TMEM222: variants seen among roughly 807,000 people sequenced by gnomAD.
TMEM222 encodes transmembrane protein 222, also known as chromosome 1 open reading frame 160.
A neutral mutation model predicts 25.1 loss-of-function variants in TMEM222; 18 were observed. That is an observed-to-expected ratio of 0.72 (90% CI 0.50 to 1.06). The LOEUF (loss-of-function observed/expected upper bound fraction) is 1.06. TMEM222 is among the 50% of genes least tolerant of loss of function. The pLI is 0.00. For synonymous variants in TMEM222, 131 were observed against 117.9 expected, an observed-to-expected ratio of 1.11 and a Z score of -0.72; for missense variants, 296 against 293.7, an observed-to-expected ratio of 1.01 and a Z score of -0.06.
intron 3 of TMEM222, chr1:27,333,161 C>T (rs1054753127): frequency 2.7e-6 from 1 of 373,190 alleles, no homozygotes; most frequent in African/African-American, 2.1e-5. Flanking sequence ...GTGGCCTCAC[C>T]TGCATCTCCA....
intron 1 of TMEM222, among the ~76,000 whole-genome samples, chr1:27,326,902 T>C (rs1344888512): frequency 2.0e-5 from 3 of 152,002 alleles, no homozygotes; most frequent in Non-Finnish European, 4.4e-5. Flanking sequence ...GGGTTTCTTC[T>C]CTGGGGCTTC....
At position 27,332,057 on chromosome 1, in the gene TMEM222, TG is replaced by T; in HGVS notation, c.280-12del. 1 of 1,614,274 alleles carries T rather than the reference TG, an allele frequency of 6.2e-7. No individual in the cohort carries two copies. Among genetic ancestry groups the T allele is most frequent in the Non-Finnish European group, 8.5e-7 (1 of 1,180,036 alleles). On this transcript the variant is annotated splice_polypyrimidine_tract_variant and intron_variant, in intron 2 of 5. Transcript: ENST00000374076. Reference sequence around the variant, plus strand: ...TAAGTTCCTCACTGACCTCTGCTTTTGTCCCTCAACAGGAGGACAACATGGC... The same window carrying T: ...TAAGTTCCTCACTGACCTCTGCTTTTTCCCTCAACAGGAGGACAACATGGC...
rs1008826812 is a variant in TMEM222, at chr1:27,333,882, A to G, written c.312-76A>G. On this transcript the variant is annotated intron_variant, in intron 3 of 5. Coordinates refer to ENST00000374076, the MANE Select transcript of TMEM222 (RefSeq NM_032125.3). ...CCCAGCTCAGGCCCGGGCACAGGGC[A>G]GGCCTCAGAGGACGTGCGTAGAGCT... 37 of 1,339,378 alleles carry G rather than the reference A, an allele frequency of 2.8e-5. No individual in the cohort carries two copies. In the African/African-American group the frequency reaches 5.2e-4, roughly 19 times the overall value. 83.0% of individuals were successfully genotyped at this position (1,339,378 alleles called of 1,614,324 possible). A position where few individuals can be genotyped will look rare whatever the true frequency, so the allele number is the denominator to read the frequency against.
At position 27,334,084 on chromosome 1, in the gene TMEM222, C is replaced by A. The variant is rs369213485; in HGVS notation, c.408+30C>A. 759 of 1,613,992 alleles carry A rather than the reference C, an allele frequency of 4.7e-4. 3 individuals are homozygous for A. In the Middle Eastern group the frequency reaches 7.3e-3, roughly 15 times the overall value. On this transcript the variant is annotated intron_variant, in intron 4 of 5. Coordinates refer to ENST00000374076, the MANE Select transcript of TMEM222 (RefSeq NM_032125.3). ...GTGGGCCAGGGCGGCACCGGCACTC[C>A]CCAGGTGGGGACCAGGGGGGAGGCT... is the stretch of plus-strand genomic sequence containing the variant.
chr1:27,332,609 G>T (rs759575988), intron 3 of TMEM222: 7 of 686,188 alleles, frequency 1.0e-5, no homozygotes, highest in Non-Finnish European at 1.9e-5. Flanking sequence ...CATCTTTGCA[G>T]TCTCGGGTGC....
chr1:27,329,406 G>C (rs755030448), intron 1 of TMEM222, among the ~76,000 whole-genome samples: 2 of 152,014 alleles, frequency 1.3e-5, no homozygotes, highest in Non-Finnish European at 2.9e-5. Flanking sequence ...ATTCCACCCC[G>C]CTGTGGACCT....
chr1:27,322,975 G>A (rs887642277), intron 1 of TMEM222, among the ~76,000 whole-genome samples: 31 of 152,134 alleles, frequency 2.0e-4, no homozygotes, highest in African/African-American at 7.0e-4. Context: ...CTTTGTCAGG[G>A]GAGAAGCAGG....
At position 27,322,273 on chromosome 1, in the gene TMEM222, G is replaced by T; in HGVS notation, c.76G>T (p.Ala26Ser). 1 of 1,545,656 alleles carries T rather than the reference G, an allele frequency of 6.5e-7. No individual in the cohort carries two copies. The highest frequency in any genetic ancestry group is 1.2e-5 in the South Asian group (1 of 83,478). ...CCCGCCCAGGATGGCGGAAGTGGAG[G>T]CGCCGACGGCGGCCGAGACGGACAT... is the stretch of plus-strand genomic sequence containing the variant. Reference protein sequence around the residue: ...PPPPRMAEVEAPTAAETDMKQ... With the variant: ...PPPPRMAEVESPTAAETDMKQ... Residue 26 changes from alanine (A) to serine (S), a missense_variant, in exon 1 of 6, where the codon GCG becomes TCG. Coordinates refer to ENST00000374076, the MANE Select transcript of TMEM222 (RefSeq NM_032125.3).
intron 5 of TMEM222, 49 bp from the exon 6 acceptor site, chr1:27,335,330 C>T: frequency 6.3e-7 from 1 of 1,589,626 alleles, no homozygotes. Context: ...GGCCGCATGC[C>T]TGCTCACCAG....
chr1:27,329,888 G>C (rs2014438836), intron 1 of TMEM222, among the ~76,000 whole-genome samples: 1 of 150,898 alleles, frequency 6.6e-6, no homozygotes, highest in African/African-American at 2.4e-5. Flanking sequence ...GATGACTTGA[G>C]GTCAGGAGTT....
In TMEM222 at chr1:27,330,657, C is replaced by T. The variant is rs1017282360; in HGVS notation, c.195-63C>T. The T allele has an allele frequency of 1.8e-5, 24 of 1,367,268 alleles. 1 individual carries two copies. The highest frequency in any genetic ancestry group is 2.3e-5 in the East Asian group (1 of 43,682). The allele number at this position is 1,367,268 out of a possible 1,614,324, so 84.7% of individuals were successfully genotyped here. A position where few individuals can be genotyped will look rare whatever the true frequency, so the allele number is the denominator to read the frequency against. ...TCTGTACTGTATGAAGGGTCCCCAG[C>T]GTCCGTCTAACTGGCTGAAAGATCC... is the stretch of plus-strand genomic sequence containing the variant. On this transcript the variant is annotated intron_variant, in intron 1 of 5. Transcript: ENST00000374076.
chr1:27,324,027 A>T (rs2014277763), intron 1 of TMEM222, among the ~76,000 whole-genome samples: 1 of 151,956 alleles, frequency 6.6e-6, no homozygotes, highest in Non-Finnish European at 1.5e-5. Context: ...ATAAAATATT[A>T]GTGTGAAAAT....
At chr1:27,328,422 G>T (rs2014403986) in intron 1 of TMEM222, among the ~76,000 whole-genome samples, 1 of 152,204 alleles carries the variant, frequency 6.6e-6, no homozygotes, top group African/African-American at 2.4e-5. Flanking sequence ...ATTAATAGGT[G>T]TTGAACAGGG....
rs777569902 is a variant in TMEM222 at position 27,333,968 on chromosome 1, T to C, written c.322T>C (p.Leu108=). The change falls in exon 4 of 6, where the codon TTG becomes CTG. Residue 108 remains leucine, a synonymous_variant. Transcript: ENST00000374076. ...AFGKPAKYWK[L]DPAQVYASGP... ...CTTCTCTCCCCCCAGGTACTGGAAG[T>C]TGGACCCTGCTCAGGTCTATGCTAG... 25 of 1,613,706 alleles carry C rather than the reference T, an allele frequency of 1.5e-5. No homozygotes were observed. The South Asian group carries it at 1.6e-4, about 11-fold the overall frequency.
chr1:27,328,859 C>G (rs2014413413), intron 1 of TMEM222, among the ~76,000 whole-genome samples: 1 of 152,218 alleles, frequency 6.6e-6, no homozygotes, highest in Admixed American at 6.5e-5. Flanking sequence ...GCACCCCTAG[C>G]CAGGTGCTTT....
At chr1:27,322,519 A>G (rs1253500698) in intron 1 of TMEM222, 128 bp downstream of exon 1, 15 of 895,528 alleles carry the variant, frequency 1.7e-5, no homozygotes, top group African/African-American at 1.7e-5. Flanking sequence ...CGCCTCGCCC[A>G]GTCACCAGAA....
chr1:27,331,048 C>T, intron 2 of TMEM222: 1 of 1,415,756 alleles, frequency 7.1e-7, no homozygotes, highest in Non-Finnish European at 9.3e-7. Context: ...CCTTTGCCCC[C>T]ACCCCTGGGG....
intron 1 of TMEM222, among the ~76,000 whole-genome samples, chr1:27,323,518 G>T (rs1280696061): frequency 6.6e-6 from 1 of 152,236 alleles, no homozygotes. Context: ...GGTGGCTCAT[G>T]CCTGTAATCC....
rs747493766 is a variant in TMEM222, at chr1:27,334,134, C to T, written c.409-17C>T. 6.2e-7 allele frequency: 1 copy of T among 1,614,108 alleles called. No homozygotes were observed. Among genetic ancestry groups the T allele is most frequent in the Non-Finnish European group, 8.5e-7 (1 of 1,179,986 alleles). ...TCCCCTGCAGCCCATCCTGACCAGC[C>T]CTTCTGGTGCCTCCAGCACAATCTC... is the stretch of plus-strand genomic sequence containing the variant. On this transcript the variant is annotated splice_polypyrimidine_tract_variant and intron_variant, in intron 4 of 5. Coordinates refer to ENST00000374076, the MANE Select transcript of TMEM222 (RefSeq NM_032125.3).
Sources: allele counts gnomAD v4.1 joint callset (sites outside exome capture counted in the v4.1 genomes callset), GRCh38; gene constraint gnomAD v4.1.1; transcripts MANE v1.5; gene names NCBI Gene and HGNC (gene_info 2026-07-23, HGNC 2026-07-21).